The following KPNA1 variants were observed in gnomAD, a reference collection of about 807,000 sequenced individuals.
The protein encoded by KPNA1 is importin subunit alpha-5.
Under a neutral mutation model 70.5 loss-of-function variants are expected in KPNA1, and 10 were observed. The ratio of observed to expected loss-of-function variants is 0.14; its 90% CI spans 0.09 to 0.24. KPNA1 has a LOEUF of 0.24. Ranked by LOEUF, KPNA1 falls within the 10% of genes least tolerant of loss-of-function variation. The pLI, the probability that KPNA1 is intolerant of heterozygous loss-of-function variation, is 1.00. For synonymous variants in KPNA1, 192 were observed against 221.9 expected (o/e 0.87, Z 1.20); for missense variants, 397 against 637.9 (o/e 0.62, Z 4.07).
chr3:122,468,230 G>A (rs1160158653), intron 2 of KPNA1, among the ~76,000 whole-genome samples: 1 of 152,210 alleles, frequency 6.6e-6, no homozygotes, highest in Non-Finnish European at 1.5e-5. Flanking sequence ...GTTCCAGGCT[G>A]CAGTGCAGGA....
chr3:122,464,055 C>A lies in KPNA1; in HGVS notation c.238-14G>T. On this transcript the variant is annotated splice_polypyrimidine_tract_variant and intron_variant, in intron 3 of 13. Coordinates refer to ENST00000344337, the MANE Select transcript of KPNA1 (RefSeq NM_002264.4). ...GATGACACCACCCTGCGATCACAAA[C>A]AAAAAGAACATATAATAAATTATCA... 3 of 1,396,846 alleles carry A rather than the reference C, an allele frequency of 2.1e-6. No homozygotes were observed. The highest frequency in any genetic ancestry group is 2.0e-6 in the Non-Finnish European group (2 of 1,009,816). The allele number at this position is 1,396,846 out of a possible 1,614,324, so 86.5% of individuals were successfully genotyped here. A position where few individuals can be genotyped will look rare whatever the true frequency, so the allele number is the denominator to read the frequency against.
chr3:122,453,351 G>A (rs1576302098), intron 6 of KPNA1, among the ~76,000 whole-genome samples: 1 of 152,212 alleles, frequency 6.6e-6, no homozygotes, highest in African/African-American at 2.4e-5. Context: ...GTTTGGAAGG[G>A]GAAGATTATT....
chr3:122,437,379 C>CA (rs2076003247), intron 10 of KPNA1, 84 bp from the exon 11 acceptor site: 1 of 949,270 alleles, frequency 1.1e-6, no homozygotes, highest in Non-Finnish European at 1.5e-6. Context: ...TTATGAAAGA[C>CA]ATAACATCTC....
chr3:122,495,941 A>T (rs2107498137), intron 2 of KPNA1, among the ~76,000 whole-genome samples: 1 of 152,332 alleles, frequency 6.6e-6, no homozygotes, highest in East Asian at 1.9e-4. Flanking sequence ...ATAACAAAGA[A>T]ATGTAAAGAC....
At chr3:122,470,449 T>G (rs1385888269) in intron 2 of KPNA1, among the ~76,000 whole-genome samples, 1 of 151,630 alleles carries the variant, frequency 6.6e-6, no homozygotes, top group East Asian at 1.9e-4. Flanking sequence ...GGGGTGGAGC[T>G]TGCAGTGAGC....
chr3:122,507,303 T>C (rs183848099), intron 1 of KPNA1, among the ~76,000 whole-genome samples: 76 of 151,968 alleles, frequency 5.0e-4, no homozygotes, highest in Middle Eastern at 3.4e-3. Context: ...TAGCCGGGCG[T>C]GGTGGCGGGC....
chr3:122,512,707 G>A (rs966806043), intron 1 of KPNA1, among the ~76,000 whole-genome samples: 1 of 152,156 alleles, frequency 6.6e-6, no homozygotes, highest in Non-Finnish European at 1.5e-5. Flanking sequence ...GGGCAACAGA[G>A]CAAGCATCCA....
Position 122,424,576 on chromosome 3 carries a change from T to TA in KPNA1, c.*2408dup, listed in dbSNP as rs2075797756. 1 of 152,668 alleles carries TA rather than the reference T, an allele frequency of 6.6e-6. No individual in the cohort carries two copies. The highest frequency in any genetic ancestry group is 2.1e-4 in the South Asian group (1 of 4,830). 9.5% of individuals were successfully genotyped at this position (152,668 alleles called of 1,614,324 possible). The stretch of plus-strand genomic sequence containing the variant: ...TAGACACAAAATAGATCACGTCAGT[T>TA]AAATAGACTTTGTTTTAATTCACTC... On this transcript the variant is annotated 3_prime_UTR_variant, in exon 14 of 14. Transcript: ENST00000344337.
intron 5 of KPNA1, among the ~76,000 whole-genome samples, chr3:122,458,445 A>G (rs1340639211): frequency 6.6e-6 from 1 of 152,224 alleles, no homozygotes; most frequent in African/African-American, 2.4e-5. Flanking sequence ...CCCTGGTTTG[A>G]GGTACCTTAC....
Position 122,498,380 on chromosome 3 carries a change from C to T in KPNA1, c.-5-1810G>A, listed in dbSNP as rs533571685. Among the ~76,000 whole-genome samples the T allele has an allele frequency of 2.6e-5, 4 of 152,322 alleles. No homozygotes were observed. The South Asian group carries it at 6.2e-4, about 24-fold the overall frequency. ...AGAGAAAAGATAAGGCATCTGTAAA[C>T]AAGGAAGCAGGCTCTCACCAGACAC... On this transcript the variant is annotated intron_variant, in intron 1 of 13. Transcript: ENST00000344337.
At chr3:122,474,729 G>A (rs569576575) in intron 2 of KPNA1, among the ~76,000 whole-genome samples, 1 of 152,182 alleles carries the variant, frequency 6.6e-6, no homozygotes, top group South Asian at 2.1e-4. Flanking sequence ...CTATGAATGT[G>A]AATCACATTA....
chr3:122,498,546 C>T (rs1011272128), intron 1 of KPNA1, among the ~76,000 whole-genome samples: 1 of 152,194 alleles, frequency 6.6e-6, no homozygotes, highest in Non-Finnish European at 1.5e-5. Flanking sequence ...TGCTGACAAC[C>T]AGCTGACTAT....
intron 1 of KPNA1, among the ~76,000 whole-genome samples, chr3:122,499,172 T>C (rs770379198): frequency 3.9e-5 from 6 of 152,240 alleles, no homozygotes; most frequent in African/African-American, 4.8e-5. Flanking sequence ...CCAATTTTGA[T>C]GTCTTTTACT....
intron 1 of KPNA1, among the ~76,000 whole-genome samples, chr3:122,506,408 A>T (rs2076891033): frequency 6.6e-6 from 1 of 152,230 alleles, no homozygotes; most frequent in African/African-American, 2.4e-5. Flanking sequence ...GAAAATATAA[A>T]TTATTGATGT....
chr3:122,425,643 G>T lies in KPNA1; in HGVS notation c.*1342C>A, dbSNP rs1229530579. The T allele has an allele frequency of 6.6e-6, 1 of 152,508 alleles. No individual in the cohort carries two copies. The highest frequency in any genetic ancestry group is 1.9e-4 in the East Asian group (1 of 5,198). The allele number at this position is 152,508 out of a possible 1,614,324, so 9.4% of individuals were successfully genotyped here. A position where few individuals can be genotyped will look rare whatever the true frequency, so the allele number is the denominator to read the frequency against. ...ATGTGGATCACTGAACACAGTACTG[G>T]AAGCGCCATTTGCAGGTACAGATTG... On this transcript the variant is annotated 3_prime_UTR_variant, in exon 14 of 14. Transcript: ENST00000344337.
At chr3:122,475,093 A>G (rs1351134792) in intron 2 of KPNA1, among the ~76,000 whole-genome samples, 1 of 152,202 alleles carries the variant, frequency 6.6e-6, no homozygotes, top group Non-Finnish European at 1.5e-5. Context: ...GACATATCTT[A>G]CATGGAAAGA....
chr3:122,454,868 A>C (rs1462623304), intron 5 of KPNA1, among the ~76,000 whole-genome samples: 3 of 152,232 alleles, frequency 2.0e-5, no homozygotes, highest in Admixed American at 2.0e-4. Flanking sequence ...ATGGCCAACA[A>C]AAAATAGAGC....
intron 2 of KPNA1, among the ~76,000 whole-genome samples, chr3:122,484,473 C>T (rs2076606579): frequency 6.6e-6 from 1 of 152,004 alleles, no homozygotes; most frequent in Admixed American, 6.6e-5. Flanking sequence ...ATGGTGAAAC[C>T]TCATCTCTAC....
At chr3:122,480,805 A>C (rs2076563016) in intron 2 of KPNA1, among the ~76,000 whole-genome samples, 2 of 152,160 alleles carry the variant, frequency 1.3e-5, no homozygotes, top group Admixed American at 1.3e-4. Context: ...TGGACAATAC[A>C]GTGAGACTCT....
Sources: allele counts gnomAD v4.1 joint callset (sites outside exome capture counted in the v4.1 genomes callset), GRCh38; gene constraint gnomAD v4.1.1; transcripts MANE v1.5; gene names NCBI Gene and HGNC (gene_info 2026-07-23, HGNC 2026-07-21).